Variants in BACH2 observed in about 807,000 individuals in gnomAD.
BACH2 encodes the protein transcription regulator protein BACH2.
BACH2 carries 5 observed loss-of-function variants against 61.8 expected under a neutral mutation model. The observed-to-expected ratio is 0.08, with a 90% CI of 0.04 to 0.17. The LOEUF (loss-of-function observed/expected upper bound fraction) is 0.17, where lower values mean the gene tolerates loss of function less well. Ranked by LOEUF, BACH2 falls within the 10% of genes least tolerant of loss-of-function variation. BACH2 has a pLI of 1.00. For synonymous variants in BACH2, 446 were observed against 440.1 expected, an observed-to-expected ratio of 1.01 and a Z score of -0.17; for missense variants, 824 against 1,091.1, an observed-to-expected ratio of 0.76 and a Z score of 3.45.
At chr6:90,209,965 TA>T (rs1433991529) in intron 3 of BACH2, among the ~76,000 whole-genome samples, 2 of 152,144 alleles carry the variant, frequency 1.3e-5, no homozygotes, top group Admixed American at 6.5e-5. Flanking sequence ...AAAACAATGT[TA>T]ATAATTGTTG....
At chr6:90,054,696 C>T (rs369507228) in intron 5 of BACH2, among the ~76,000 whole-genome samples, 50 of 152,324 alleles carry the variant, frequency 3.3e-4, no homozygotes, top group East Asian at 1.2e-3. Flanking sequence ...CCCTGACCCC[C>T]GAGGAGCCTA....
chr6:90,161,769 C>T (rs149678845), intron 4 of BACH2, among the ~76,000 whole-genome samples: 15 of 152,252 alleles, frequency 9.9e-5, no homozygotes, highest in African/African-American at 2.4e-4. Context: ...TAACAGACAA[C>T]GGCCAGTGGC....
At position 90,296,793 on chromosome 6, in the gene BACH2, CGCT is replaced by C. The variant is rs556781951; in HGVS notation, c.-762_-760del. ...CCCGGGCGTGCACGGCCGCTGCTGC[CGCT>C]GCTGCTGCTGCTGCTGCTGCTGAGG... On this transcript the variant is annotated 5_prime_UTR_variant, in exon 1 of 9. Coordinates refer to ENST00000257749, the MANE Select transcript of BACH2 (RefSeq NM_021813.4). 1.9e-3 allele frequency: 333 copies of C among 172,408 alleles called. No individual in the cohort carries two copies. Among genetic ancestry groups the C allele is most frequent in the Middle Eastern group, 7.7e-3 (3 of 388 alleles). The allele number at this position is 172,408 out of a possible 1,614,324, so 10.7% of individuals were successfully genotyped here.
At chr6:90,114,999 A>G (rs889968124) in intron 4 of BACH2, among the ~76,000 whole-genome samples, 1 of 152,084 alleles carries the variant, frequency 6.6e-6, no homozygotes, top group African/African-American at 2.4e-5. Context: ...GAATTACAAA[A>G]CACTACTCAA....
At chr6:90,140,833 C>T (rs1298527472) in intron 4 of BACH2, among the ~76,000 whole-genome samples, 6 of 152,262 alleles carry the variant, frequency 3.9e-5, no homozygotes, top group East Asian at 1.9e-4. Flanking sequence ...CTGGTTGGTG[C>T]GACCTGGCAA....
At chr6:90,209,887 C>T (rs528667318) in intron 3 of BACH2, among the ~76,000 whole-genome samples, 2 of 152,086 alleles carry the variant, frequency 1.3e-5, no homozygotes, top group Non-Finnish European at 2.9e-5. Context: ...ATAAATATTA[C>T]GATAGTTTTT....
At chr6:90,043,690 T>C (rs1450524342) in intron 5 of BACH2, among the ~76,000 whole-genome samples, 1 of 152,220 alleles carries the variant, frequency 6.6e-6, no homozygotes, top group Admixed American at 6.5e-5. Flanking sequence ...TGCTGTTGCA[T>C]GTTCCGTTTC....
chr6:90,054,035 G>A (rs1170753359), intron 5 of BACH2, among the ~76,000 whole-genome samples: 11 of 152,328 alleles, frequency 7.2e-5, no homozygotes, highest in East Asian at 1.9e-4. Flanking sequence ...AGCTCCCAGC[G>A]TGAGCGATGC....
At chr6:90,029,700 A>G (rs1201565388) in intron 5 of BACH2, among the ~76,000 whole-genome samples, 1 of 152,196 alleles carries the variant, frequency 6.6e-6, no homozygotes, top group Non-Finnish European at 1.5e-5. Flanking sequence ...TAATCCCAAC[A>G]GGTCCATATG....
At chr6:90,085,941 A>G (rs1781915400) in intron 5 of BACH2, among the ~76,000 whole-genome samples, 1 of 152,168 alleles carries the variant, frequency 6.6e-6, no homozygotes, top group African/African-American at 2.4e-5. Flanking sequence ...GAACTCTCCA[A>G]TCTTCCCAAA....
intron 6 of BACH2, among the ~76,000 whole-genome samples, chr6:89,983,020 T>C (rs1316638552): frequency 6.6e-6 from 1 of 152,236 alleles, no homozygotes; most frequent in Admixed American, 6.5e-5. Context: ...GGACAGACCC[T>C]GGCCTTGCCC....
At chr6:90,054,975 GT>G (rs1170916685) in intron 5 of BACH2, among the ~76,000 whole-genome samples, 7 of 152,192 alleles carry the variant, frequency 4.6e-5, no homozygotes, top group Admixed American at 3.3e-4. Flanking sequence ...CCATCTGTAA[GT>G]CACCATCATT....
At chr6:90,263,974 C>A (rs1233240096) in intron 2 of BACH2, among the ~76,000 whole-genome samples, 1 of 152,070 alleles carries the variant, frequency 6.6e-6, no homozygotes, top group Non-Finnish European at 1.5e-5. Flanking sequence ...ATAACCCTGG[C>A]CAAAACACTG....
intron 6 of BACH2, among the ~76,000 whole-genome samples, chr6:90,000,861 G>A (rs1470633886): frequency 6.6e-6 from 1 of 152,162 alleles, no homozygotes; most frequent in Non-Finnish European, 1.5e-5. Flanking sequence ...AACTGAGCTT[G>A]TGCCTCTTCT....
chr6:90,075,620 GA>G (rs1410043915), intron 5 of BACH2, among the ~76,000 whole-genome samples: 1 of 152,048 alleles, frequency 6.6e-6, no homozygotes, highest in Non-Finnish European at 1.5e-5. Flanking sequence ...TCAAATCCAA[GA>G]TATTATTATC....
chr6:90,198,399 AG>A (rs1380918873), intron 4 of BACH2, among the ~76,000 whole-genome samples: 5 of 152,234 alleles, frequency 3.3e-5, no homozygotes, highest in African/African-American at 1.2e-4. Context: ...CAGTAGCTGC[AG>A]CCATATTTCA....
chr6:90,273,320 T>C (rs1771589379), intron 1 of BACH2, among the ~76,000 whole-genome samples: 1 of 152,036 alleles, frequency 6.6e-6, no homozygotes, highest in Non-Finnish European at 1.5e-5. Flanking sequence ...ATCATACCAC[T>C]GCACTCCAGC....
chr6:90,209,088 G>C (rs1005746308), intron 3 of BACH2, among the ~76,000 whole-genome samples: 1 of 151,984 alleles, frequency 6.6e-6, no homozygotes, highest in African/African-American at 2.4e-5. Context: ...AGCATTAGGA[G>C]AAATACCTTA....
rs1410157944 is a variant in BACH2 at position 90,162,557 on chromosome 6, A to G, written c.-162+44012T>C. On this transcript the variant is annotated intron_variant, in intron 4 of 8. Transcript: ENST00000257749. ...CTTGGGAGTCTGAGGTGGGAGGATC[A>G]CTTGAGCTCAGGAGGTTGGGGCTGC... Among the ~76,000 whole-genome samples the G allele has an allele frequency of 2.6e-5, 4 of 152,100 alleles. No individual in the cohort carries two copies. In the East Asian group the frequency reaches 7.7e-4, roughly 29 times the overall value.
Sources: gnomAD v4.1 joint callset for allele counts (sites outside exome capture counted in the v4.1 genomes callset) on GRCh38, gnomAD v4.1.1 for gene constraint, MANE v1.5 for transcripts, NCBI Gene and HGNC (gene_info 2026-07-23, HGNC 2026-07-21) for gene names.